The following ASAP1 variants were observed in gnomAD, a reference collection of about 807,000 sequenced individuals.
ASAP1 encodes the protein ArfGAP with SH3 domain, ankyrin repeat and PH domain 1, also known as arf-GAP with SH3 domain, ANK repeat and PH domain-containing protein 1.
A neutral mutation model predicts 145.2 loss-of-function variants in ASAP1; 43 were observed. The ratio of observed to expected loss-of-function variants is 0.30; its 90% confidence interval spans 0.23 to 0.38. ASAP1 has a LOEUF of 0.38. Ranked by LOEUF, ASAP1 falls within the 10% of genes least tolerant of loss-of-function variation. The pLI is 1.00. For missense variants in ASAP1, 1,018 were observed against 1,355.3 expected (o/e 0.75, Z 3.91); for synonymous variants, 546 against 515.5 (o/e 1.06, Z -0.80).
chr8:130,393,019 C>CCTTT (rs143091199), intron 2 of ASAP1, among the ~76,000 whole-genome samples: 9,478 of 152,148 alleles, frequency 0.062, 292 homozygotes, highest in Middle Eastern at 0.12. Context: ...CAAAAATAAA[C>CCTTT]CTTTTTTTTA....
chr8:130,253,558 A>G (rs1255428781), intron 3 of ASAP1, among the ~76,000 whole-genome samples: 1 of 152,188 alleles, frequency 6.6e-6, no homozygotes, highest in Admixed American at 6.5e-5. Context: ...TAGATTAGTG[A>G]TCTCCTAGAA....
intron 2 of ASAP1, among the ~76,000 whole-genome samples, chr8:130,386,055 T>C (rs1193017266): frequency 6.6e-6 from 1 of 152,202 alleles, no homozygotes; most frequent in Non-Finnish European, 1.5e-5. Context: ...CCAGAGATTT[T>C]GCAAAATCTT....
chr8:130,189,403 C>T (rs1814978604), intron 5 of ASAP1, among the ~76,000 whole-genome samples: 1 of 152,116 alleles, frequency 6.6e-6, no homozygotes, highest in Non-Finnish European at 1.5e-5. Flanking sequence ...CCACATGAGA[C>T]AGAACATGCA....
At chr8:130,102,353 A>AT (rs2097530194) in intron 24 of ASAP1, among the ~76,000 whole-genome samples, 1 of 152,190 alleles carries the variant, frequency 6.6e-6, no homozygotes, top group South Asian at 2.1e-4. Context: ...CATTTAGGTC[A>AT]TCATATGGCT....
intron 5 of ASAP1, among the ~76,000 whole-genome samples, chr8:130,200,486 AT>A (rs1815796913): frequency 6.6e-6 from 1 of 152,120 alleles, no homozygotes; most frequent in Admixed American, 6.6e-5. Context: ...ACAGGAAAAC[AT>A]TTTCAAAATG....
chr8:130,396,804 T>C (rs1828551667), intron 2 of ASAP1, among the ~76,000 whole-genome samples: 1 of 152,232 alleles, frequency 6.6e-6, no homozygotes, highest in Non-Finnish European at 1.5e-5. Flanking sequence ...ACAGGGCGTC[T>C]GCTTGACATT....
intron 7 of ASAP1, among the ~76,000 whole-genome samples, chr8:130,186,033 G>GT (rs1456509887): frequency 6.6e-6 from 1 of 152,032 alleles, no homozygotes; most frequent in South Asian, 2.1e-4. Context: ...GTAGAACAAG[G>GT]TTTTTTTCTT....
intron 24 of ASAP1, among the ~76,000 whole-genome samples, chr8:130,105,190 AACTC>A (rs1412219072): frequency 3.3e-5 from 5 of 152,366 alleles, no homozygotes; most frequent in African/African-American, 1.2e-4. Flanking sequence ...AGAAAAAAGA[AACTC>A]ACAATAAAAA....
At position 130,092,024 on chromosome 8, in the gene ASAP1, G is replaced by A; in HGVS notation, c.2521C>T (p.Pro841Ser). ...GGCCCATGAGGTAGTGGGCTGGGAGGGTCGGATAGGGTTCTCTTGTGTCCG... is the reference window on the plus strand; with the variant it reads ...GGCCCATGAGGTAGTGGGCTGGGAGAGTCGGATAGGGTTCTCTTGTGTCCG... The part of the protein sequence containing the change: ...PPGHKRTLSD[P>S]PSPLPHGPPN... Residue 841 changes from proline to serine, a missense_variant, in exon 25 of 30, where the codon CCT becomes TCT. By Grantham distance (74) the Pro-to-Ser change is moderately conservative. Around this residue, in one of 9 missense-constraint regions of ASAP1, gnomAD observed 353 missense variants for 375.4 expected, o/e 0.94. Coordinates refer to ENST00000518721, the MANE Select transcript of ASAP1 (RefSeq NM_018482.4). The A allele has an allele frequency of 6.4e-7, 1 of 1,573,040 alleles. No homozygotes were observed. The highest frequency in any genetic ancestry group is 8.6e-7 in the Non-Finnish European group (1 of 1,164,318).
chr8:130,264,714 T>C (rs970886713), intron 3 of ASAP1, among the ~76,000 whole-genome samples: 2 of 152,204 alleles, frequency 1.3e-5, no homozygotes, highest in African/African-American at 4.8e-5. Flanking sequence ...AACCCATGAA[T>C]ATGAACATGA....
chr8:130,361,901 C>G, intron 2 of ASAP1: 1 of 700,346 alleles, frequency 1.4e-6, no homozygotes, highest in South Asian at 1.5e-5. Flanking sequence ...TTGTGTGCAC[C>G]TGGCTTTATA....
At chr8:130,068,659 C>A (rs28759724) in intron 27 of ASAP1, among the ~76,000 whole-genome samples, 2 of 152,038 alleles carry the variant, frequency 1.3e-5, no homozygotes, top group East Asian at 3.9e-4. Flanking sequence ...GCTATTCCTG[C>A]GGTAACTGGC....
chr8:130,152,622 T>A, intron 13 of ASAP1, 114 bp downstream of exon 13: 9 of 575,268 alleles, frequency 1.6e-5, no homozygotes, highest in Non-Finnish European at 2.0e-5. Context: ...AAGGAATATC[T>A]AAAATGATCT....
rs1054525869 is a variant in ASAP1 at position 130,053,820 on chromosome 8, G to A, written c.*911C>T. 2 of 152,164 alleles carry A rather than the reference G, an allele frequency of 1.3e-5. No individual in the cohort carries two copies. Among genetic ancestry groups the A allele is most frequent in the Admixed American group, 1.3e-4 (2 of 15,278 alleles). 9.4% of individuals were successfully genotyped at this position (152,164 alleles called of 1,614,324 possible). A position where few individuals can be genotyped will look rare whatever the true frequency, so the allele number is the denominator to read the frequency against. On this transcript the variant is annotated 3_prime_UTR_variant, in exon 30 of 30. Coordinates refer to ENST00000518721, the MANE Select transcript of ASAP1 (RefSeq NM_018482.4). The stretch of plus-strand genomic sequence containing the variant: ...AAGCCAGTGATTAGAAACAAATATT[G>A]TTGCAACCTTATAATTTCTGCTTTA...
intron 8 of ASAP1, among the ~76,000 whole-genome samples, chr8:130,179,571 C>T (rs1448729164): frequency 6.6e-6 from 1 of 152,122 alleles, no homozygotes; most frequent in African/African-American, 2.4e-5. Flanking sequence ...GTTTACTCGA[C>T]AAGCAGAAAT....
intron 3 of ASAP1, among the ~76,000 whole-genome samples, chr8:130,259,621 C>T (rs1819772587): frequency 6.6e-6 from 1 of 152,158 alleles, no homozygotes; most frequent in African/African-American, 2.4e-5. Context: ...TCTTTAAAAC[C>T]CAACCTAATG....
At chr8:130,238,514 C>T (rs1818344352) in intron 3 of ASAP1, among the ~76,000 whole-genome samples, 1 of 152,136 alleles carries the variant, frequency 6.6e-6, no homozygotes, top group African/African-American at 2.4e-5. Context: ...AATTCTGTCA[C>T]TTGCAACCAC....
In ASAP1 at chr8:130,174,625, G is replaced by A. The variant is rs770534177; in HGVS notation, c.746+4639C>T. ...TCCTCCCACCTCTGGGGAGGGCAGA[G>A]GGGCTGGAGATTGGGCCAATAACCA... On this transcript the variant is annotated intron_variant, in intron 9 of 29. Coordinates refer to ENST00000518721, the MANE Select transcript of ASAP1 (RefSeq NM_018482.4). Among the ~76,000 whole-genome samples, 94 of 152,318 alleles carry A rather than the reference G, an allele frequency of 6.2e-4. 2 individuals carry two copies. The Middle Eastern group carries it at 0.017, about 28-fold the overall frequency.
intron 15 of ASAP1, among the ~76,000 whole-genome samples, chr8:130,131,604 A>T (rs1178546325): frequency 2.1e-5 from 1 of 46,908 alleles, no homozygotes; most frequent in African/African-American, 6.7e-5. Flanking sequence ...ATGGCTACTG[A>T]AAAAAAAAAA....
Sources: allele counts gnomAD v4.1 joint callset (sites outside exome capture counted in the v4.1 genomes callset), GRCh38; gene constraint gnomAD v4.1.1; regional missense constraint gnomAD v4.1.1; transcripts MANE v1.5; gene names NCBI Gene and HGNC (gene_info 2026-07-23, HGNC 2026-07-21).